The following COX7B2 variants were observed in gnomAD, a reference collection of about 807,000 sequenced individuals.
The protein encoded by COX7B2 is cytochrome c oxidase subunit 7B2, mitochondrial.
For synonymous variants in COX7B2, 37 were observed against 32.1 expected (o/e 1.15, Z -0.51); for missense variants, 109 against 95.9 (o/e 1.14, Z -0.57).
chr4:46,855,674 C>T (rs1244233639), intron 1 of COX7B2, among the ~76,000 whole-genome samples: 2 of 151,926 alleles, frequency 1.3e-5, no homozygotes, highest in Non-Finnish European at 2.9e-5. Flanking sequence ...ATTTGTTGAA[C>T]TCATATAATG....
chr4:46,857,609 C>A (rs1286599703), intron 1 of COX7B2, among the ~76,000 whole-genome samples: 5 of 152,144 alleles, frequency 3.3e-5, no homozygotes, highest in South Asian at 2.1e-4. Context: ...TTTAATACTG[C>A]TGCTTACAAA....
At chr4:46,904,977 C>T (rs1720287862) in intron 1 of COX7B2, among the ~76,000 whole-genome samples, 1 of 152,162 alleles carries the variant, frequency 6.6e-6, no homozygotes, top group Non-Finnish European at 1.5e-5. Context: ...ACTTATGACT[C>T]TGAAGCCAGA....
rs1026694589 is a variant in COX7B2, at chr4:46,760,645, T to C, written c.-49-25404A>G. ...ATGGGTGCAGCAATCCACCATGGCA[T>C]GTGTATACCTACGTAACAAACCTGC... On this transcript the variant is annotated intron_variant, in intron 2 of 2. Transcript: ENST00000355591. Among the ~76,000 whole-genome samples the C allele has an allele frequency of 3.0e-4, 45 of 152,028 alleles. 1 individual carries two copies. The highest frequency in any genetic ancestry group is 1.1e-3 in the African/African-American group (45 of 41,386).
intron 1 of COX7B2, among the ~76,000 whole-genome samples, chr4:46,857,526 G>A (rs146512923): frequency 3.7e-4 from 56 of 152,302 alleles, no homozygotes; most frequent in African/African-American, 1.3e-3. Context: ...ATGAGGGAGT[G>A]TATTAAATAA....
intron 2 of COX7B2, among the ~76,000 whole-genome samples, chr4:46,774,586 C>A (rs1717054481): frequency 6.6e-6 from 1 of 151,904 alleles, no homozygotes; most frequent in African/African-American, 2.4e-5. Context: ...GTCTAAAGTG[C>A]CATTTGTTGG....
At position 46,808,750 on chromosome 4, in the gene COX7B2, C is replaced by T. The variant is rs533328826; in HGVS notation, c.-50+36210G>A. 9.3e-4 allele frequency among the ~76,000 whole-genome samples: 141 copies of T among 151,838 alleles called. 4 individuals are homozygous for T. Among genetic ancestry groups the T allele is most frequent in the Admixed American group, 9.1e-3 (139 of 15,260 alleles). Reference sequence around the variant, plus strand: ...GTTGAGCATATTTATCAAGAAAGGACGTTGGAGTACACCAGTGCTTTTTCT... The same window carrying T: ...GTTGAGCATATTTATCAAGAAAGGATGTTGGAGTACACCAGTGCTTTTTCT... On this transcript the variant is annotated intron_variant, in intron 2 of 2. Coordinates refer to ENST00000355591, the MANE Select transcript of COX7B2 (RefSeq NM_130902.3).
At chr4:46,868,768 C>G (rs1331419610) in intron 1 of COX7B2, among the ~76,000 whole-genome samples, 1 of 152,114 alleles carries the variant, frequency 6.6e-6, no homozygotes, top group Non-Finnish European at 1.5e-5. Flanking sequence ...TTCGCATTTG[C>G]TGAGGATTGT....
chr4:46,850,106 G>C (rs572121513), intron 1 of COX7B2, among the ~76,000 whole-genome samples: 16 of 150,664 alleles, frequency 1.1e-4, no homozygotes, highest in Admixed American at 4.6e-4. Context: ...AATGGTCTTA[G>C]GGAAGATAGA....
At chr4:46,860,110 G>A (rs1717245643) in intron 1 of COX7B2, among the ~76,000 whole-genome samples, 1 of 152,204 alleles carries the variant, frequency 6.6e-6, no homozygotes, top group African/African-American at 2.4e-5. Flanking sequence ...TCGAGAAGAT[G>A]GCAAGAGTTG....
intron 2 of COX7B2, among the ~76,000 whole-genome samples, chr4:46,760,422 C>G (rs1050272910): frequency 1.3e-5 from 2 of 152,098 alleles, no homozygotes; most frequent in African/African-American, 4.8e-5. Context: ...ATGGATGAAG[C>G]TGGAAACCAT....
intron 1 of COX7B2, among the ~76,000 whole-genome samples, chr4:46,903,191 C>T (rs974729232): frequency 1.3e-5 from 2 of 152,134 alleles, no homozygotes; most frequent in African/African-American, 4.8e-5. Context: ...AAATTAAAGT[C>T]CATTATCAAA....
intron 1 of COX7B2, among the ~76,000 whole-genome samples, chr4:46,890,567 T>A (rs1165410990): frequency 6.6e-6 from 1 of 152,168 alleles, no homozygotes; most frequent in Non-Finnish European, 1.5e-5. Context: ...TAAGAAAAAT[T>A]GAGAAAGGAT....
intron 1 of COX7B2, among the ~76,000 whole-genome samples, chr4:46,881,039 G>T (rs1718703393): frequency 6.7e-6 from 1 of 149,134 alleles, no homozygotes; most frequent in African/African-American, 2.5e-5. Context: ...CTTTTGAATG[G>T]TTTTTTCATG....
At chr4:46,845,350 G>A (rs974897480) in intron 1 of COX7B2, among the ~76,000 whole-genome samples, 1 of 151,692 alleles carries the variant, frequency 6.6e-6, no homozygotes, top group South Asian at 2.1e-4. Flanking sequence ...AACCTCAAAT[G>A]GAAGGTTCTG....
rs150971087 is a variant in COX7B2, at chr4:46,827,652, G to A, written c.-50+17308C>T. Among the ~76,000 whole-genome samples the A allele has an allele frequency of 4.6e-5, 7 of 152,166 alleles. No homozygotes were observed. In the East Asian group the frequency reaches 9.7e-4, roughly 21 times the overall value. On this transcript the variant is annotated intron_variant, in intron 2 of 2. Transcript: ENST00000355591. ...TCTGCACTAAAAGGAAATGCTAAACGAAGTTGAAAGGACTGAAAAAAAGTG... is the reference window on the plus strand; with the variant it reads ...TCTGCACTAAAAGGAAATGCTAAACAAAGTTGAAAGGACTGAAAAAAAGTG...
chr4:46,875,472 T>G (rs530934560), intron 1 of COX7B2, among the ~76,000 whole-genome samples: 13 of 152,266 alleles, frequency 8.5e-5, no homozygotes, highest in Non-Finnish European at 1.8e-4. Context: ...TTCAGCTAAT[T>G]TTTACTGCCT....
intron 2 of COX7B2, among the ~76,000 whole-genome samples, chr4:46,785,375 A>AT (rs879697478): frequency 0.013 from 1,897 of 143,538 alleles, 27 homozygotes; most frequent in Middle Eastern, 0.036. Flanking sequence ...TGATAGAGCA[A>AT]TTTTTTTTTT....
chr4:46,802,718 T>C (rs565609202), intron 2 of COX7B2, among the ~76,000 whole-genome samples: 4 of 152,302 alleles, frequency 2.6e-5, no homozygotes, highest in African/African-American at 9.6e-5. Context: ...AGCTGTCACA[T>C]TGGCAAAGTG....
At position 46,861,911 on chromosome 4, in the gene COX7B2, G is replaced by A. The variant is rs562374500; in HGVS notation, c.-104-16897C>T. ...TCTCCAGCTCAGGGTTCCACCCCAAGGTCATGAGACACCCCTCCCTGTTAT... is the reference window on the plus strand; with the variant it reads ...TCTCCAGCTCAGGGTTCCACCCCAAAGTCATGAGACACCCCTCCCTGTTAT... On this transcript the variant is annotated intron_variant, in intron 1 of 2. Coordinates refer to ENST00000355591, the MANE Select transcript of COX7B2 (RefSeq NM_130902.3). Among the ~76,000 whole-genome samples, 3 of 152,232 alleles carry A rather than the reference G, an allele frequency of 2.0e-5. No individual in the cohort carries two copies. The South Asian group carries it at 6.2e-4, about 32-fold the overall frequency.
Sources: gnomAD v4.1 joint callset for allele counts (sites outside exome capture counted in the v4.1 genomes callset) on GRCh38, gnomAD v4.1.1 for gene constraint, MANE v1.5 for transcripts, NCBI Gene and HGNC (gene_info 2026-07-23, HGNC 2026-07-21) for gene names.